The following SNX2 variants were observed in gnomAD, a reference collection of about 807,000 sequenced individuals.
SNX2 encodes sorting nexin-2.
In SNX2, 25 loss-of-function variants were observed where a neutral mutation model predicts 69.9. The ratio of observed to expected loss-of-function variants is 0.36; its 90% CI spans 0.26 to 0.50. The LOEUF (loss-of-function observed/expected upper bound fraction) is 0.50, where lower values mean the gene tolerates loss of function less well. Among genes scored for constraint, SNX2 ranks in the 20% least tolerant of loss-of-function variants. The pLI is 0.97. For missense variants in SNX2, 551 were observed against 613.3 expected, an observed-to-expected ratio of 0.90 and a Z score of 1.07; for synonymous variants, 229 against 200.4, an observed-to-expected ratio of 1.14 and a Z score of -1.20.
At position 122,832,122 on chromosome 5, in the gene SNX2, T is replaced by C. The variant is rs1754305620; in HGVS notation, c.*2474T>C. On this transcript the variant is annotated 3_prime_UTR_variant, in exon 15 of 15. Transcript: ENST00000379516. ...TGGATAGGTCTGAGTTTAGCGTTTG[T>C]TTGTTTTCTTAATGAGATCAAAAGT... is the stretch of plus-strand genomic sequence containing the variant. 6.6e-6 allele frequency among the ~76,000 whole-genome samples: 1 copy of C among 151,504 alleles called. No homozygotes were observed. The highest frequency in any genetic ancestry group is 1.5e-5 in the Non-Finnish European group (1 of 68,020).
chr5:122,831,801 G>A lies in SNX2; in HGVS notation c.*2153G>A, dbSNP rs541509502. Among the ~76,000 whole-genome samples the A allele has an allele frequency of 6.6e-6, 1 of 152,162 alleles. No individual in the cohort carries two copies. The highest frequency in any genetic ancestry group is 1.5e-5 in the Non-Finnish European group (1 of 68,028). On this transcript the variant is annotated 3_prime_UTR_variant, in exon 15 of 15. Coordinates refer to ENST00000379516, the MANE Select transcript of SNX2 (RefSeq NM_003100.4). ...TATTATTAAAATCTTCCATTCAGAT[G>A]TGGTACATTAGAATATTCAGTACCT... is the stretch of plus-strand genomic sequence containing the variant.
At chr5:122,784,608 T>C (rs1419186347) in intron 1 of SNX2, among the ~76,000 whole-genome samples, 1 of 152,166 alleles carries the variant, frequency 6.6e-6, no homozygotes, top group Non-Finnish European at 1.5e-5. Context: ...CACACAATCA[T>C]AATGTATTTA....
rs879489736 is a variant in SNX2 at position 122,829,773 on chromosome 5, T to TACACACACAC, written c.*126_*127insCACACACACA. 3.3e-6 allele frequency: 2 copies of TACACACACAC among 608,758 alleles called. No homozygotes were observed. Among genetic ancestry groups the TACACACACAC allele is most frequent in the African/African-American group, 2.6e-5 (1 of 37,900 alleles). The allele number at this position is 608,758 out of a possible 1,614,324, so 37.7% of individuals were successfully genotyped here. On this transcript the variant is annotated 3_prime_UTR_variant, in exon 15 of 15. Transcript: ENST00000379516. The stretch of plus-strand genomic sequence containing the variant: ...ATTTTATGAATTACATGTGGTTTTA[T>TACACACACAC]ATACACACACACACACACACACACA...
chr5:122,782,977 A>G (rs570922587), intron 1 of SNX2, among the ~76,000 whole-genome samples: 5 of 149,676 alleles, frequency 3.3e-5, no homozygotes, highest in Non-Finnish European at 7.4e-5. Context: ...TCGCTCTGTC[A>G]CTAGGTTGGA....
At chr5:122,795,577 G>C (rs993127329) in intron 2 of SNX2, 194 bp downstream of exon 2, 1 of 454,906 alleles carries the variant, frequency 2.2e-6, no homozygotes, top group Non-Finnish European at 3.9e-6. Flanking sequence ...GCAAAAATGT[G>C]GTTCTTTCTG....
chr5:122,827,425 C>G lies in SNX2; in HGVS notation c.1403C>G (p.Ser468Cys), dbSNP rs773495760. The G allele has an allele frequency of 1.2e-6, 2 of 1,613,296 alleles. No individual in the cohort carries two copies. The highest frequency in any genetic ancestry group is 1.3e-5 in the African/African-American group (1 of 74,868). ...QQGERDFEQI[S>C]KTIRKEVGRF... ...GGGGAAAGAGATTTTGAACAGATAT[C>G]TAAAACGATTCGAAAAGAAGTGGGA... is the stretch of plus-strand genomic sequence containing the variant. Residue 468 changes from serine to cysteine, a missense_variant, in exon 13 of 15, where the codon TCT (serine) becomes TGT (cysteine). By Grantham distance (112) the Ser-to-Cys change is moderately radical. This residue lies in a region of SNX2 where 360 missense variants were observed against 450.4 expected (regional missense o/e 0.80). Coordinates refer to ENST00000379516, the MANE Select transcript of SNX2 (RefSeq NM_003100.4).
chr5:122,821,172 A>C (rs1434221943), intron 11 of SNX2, among the ~76,000 whole-genome samples: 1 of 152,210 alleles, frequency 6.6e-6, no homozygotes, highest in Non-Finnish European at 1.5e-5. Flanking sequence ...AATAATGCAC[A>C]TACATGATAG....
intron 2 of SNX2, chr5:122,795,613 TA>T: frequency 2.7e-6 from 1 of 366,854 alleles, no homozygotes; most frequent in South Asian, 6.0e-5. Context: ...GAATAAATTG[TA>T]TATTATAATT....
intron 7 of SNX2, among the ~76,000 whole-genome samples, chr5:122,814,676 ATATGT>A (rs1352434230): frequency 3.9e-5 from 6 of 152,226 alleles, no homozygotes; most frequent in African/African-American, 7.2e-5. Flanking sequence ...AATAAAATAA[ATATGT>A]TATTGCGAGG....
At chr5:122,775,631 G>T in intron 1 of SNX2, 1 of 988,574 alleles carries the variant, frequency 1.0e-6, no homozygotes, top group Non-Finnish European at 1.2e-6. Flanking sequence ...GCTGCCAGGG[G>T]AGCGCAATGA....
At position 122,783,532 on chromosome 5, in the gene SNX2, G is replaced by T. The variant is rs543110529; in HGVS notation, c.108+8321G>T. Among the ~76,000 whole-genome samples the T allele has an allele frequency of 2.8e-4, 43 of 152,204 alleles. 1 individual carries two copies. The highest frequency in any genetic ancestry group is 9.6e-4 in the African/African-American group (40 of 41,548). Reference sequence around the variant, plus strand: ...AAAATACAGATACTTAGTTATTCCAGCACCATTTGTTGAAAGTCTAGCCTT... The same window carrying T: ...AAAATACAGATACTTAGTTATTCCATCACCATTTGTTGAAAGTCTAGCCTT... On this transcript the variant is annotated intron_variant, in intron 1 of 14. Transcript: ENST00000379516.
At chr5:122,782,046 T>C (rs1210307755) in intron 1 of SNX2, among the ~76,000 whole-genome samples, 2 of 152,192 alleles carry the variant, frequency 1.3e-5, no homozygotes, top group Non-Finnish European at 2.9e-5. Flanking sequence ...GATCTTCTCC[T>C]CTGCAGATCT....
chr5:122,802,236 A>G, intron 5 of SNX2, 112 bp downstream of exon 5: 1 of 941,594 alleles, frequency 1.1e-6, no homozygotes, highest in East Asian at 2.4e-5. Context: ...GTTACCACCT[A>G]ATAAAGATTG....
At chr5:122,780,366 T>G (rs1367827340) in intron 1 of SNX2, among the ~76,000 whole-genome samples, 1 of 152,108 alleles carries the variant, frequency 6.6e-6, no homozygotes, top group African/African-American at 2.4e-5. Flanking sequence ...TATGTGTAAT[T>G]AAAATAGAAA....
intron 1 of SNX2, among the ~76,000 whole-genome samples, chr5:122,794,597 T>C (rs1365039360): frequency 1.3e-5 from 2 of 152,176 alleles, no homozygotes; most frequent in Admixed American, 6.5e-5. Context: ...AAAAACAAAA[T>C]TAGGGATTTT....
intron 3 of SNX2, among the ~76,000 whole-genome samples, chr5:122,801,082 A>T (rs543880109): frequency 2.0e-5 from 3 of 152,322 alleles, no homozygotes; most frequent in African/African-American, 4.8e-5. Flanking sequence ...GTTGCTTTTC[A>T]GTATAATCAC....
intron 1 of SNX2, among the ~76,000 whole-genome samples, chr5:122,781,272 A>C (rs1321679041): frequency 2.0e-5 from 3 of 152,168 alleles, no homozygotes; most frequent in Non-Finnish European, 4.4e-5. Context: ...AGATTATGAA[A>C]CTTTTAGAGT....
intron 11 of SNX2, among the ~76,000 whole-genome samples, chr5:122,822,103 CT>C (rs989497060): frequency 1.9e-4 from 29 of 152,122 alleles, no homozygotes; most frequent in African/African-American, 7.0e-4. Flanking sequence ...CTTTTTCTTT[CT>C]TTTTTATTGA....
At chr5:122,807,010 G>A (rs1041947067) in intron 6 of SNX2, among the ~76,000 whole-genome samples, 2 of 152,144 alleles carry the variant, frequency 1.3e-5, no homozygotes, top group Non-Finnish European at 2.9e-5. Context: ...TCTAGGTCGG[G>A]TGTGGTAGCA....
Sources: gnomAD v4.1 joint callset for allele counts (sites outside exome capture counted in the v4.1 genomes callset) on GRCh38, gnomAD v4.1.1 for gene constraint, gnomAD v4.1.1 regional missense constraint, MANE v1.5 for transcripts, NCBI Gene and HGNC (gene_info 2026-07-23, HGNC 2026-07-21) for gene names.